Variants in CPT1A observed in about 807,000 individuals in gnomAD.
CPT1A encodes the protein carnitine O-palmitoyltransferase 1, liver isoform.
CPT1A carries 64 observed loss-of-function variants against 100.8 expected under a neutral mutation model. The ratio of observed to expected loss-of-function variants is 0.63; its 90% CI spans 0.52 to 0.78. The LOEUF (loss-of-function observed/expected upper bound fraction) is 0.78. Among genes scored for constraint, CPT1A ranks in the 30% least tolerant of loss-of-function variants. The pLI, the probability that CPT1A is intolerant of heterozygous loss-of-function variation, is 0.00. For synonymous variants in CPT1A, 363 were observed against 396.0 expected, an observed-to-expected ratio of 0.92 and a Z score of 0.99; for missense variants, 802 against 1,034.1, an observed-to-expected ratio of 0.78 and a Z score of 3.08.
chr11:68,765,727 A>G (rs1854779518), intron 14 of CPT1A, among the ~76,000 whole-genome samples: 1 of 152,242 alleles, frequency 6.6e-6, no homozygotes, highest in Non-Finnish European at 1.5e-5. Flanking sequence ...ATACTGTTGT[A>G]AGACAGATCA....
chr11:68,833,022 C>T (rs1304037021), intron 1 of CPT1A, among the ~76,000 whole-genome samples: 2 of 152,308 alleles, frequency 1.3e-5, no homozygotes, highest in African/African-American at 2.4e-5. Flanking sequence ...CTTGGATGCC[C>T]GGGTGACCAA....
intron 1 of CPT1A, among the ~76,000 whole-genome samples, chr11:68,840,600 T>G (rs1857134800): frequency 6.6e-6 from 1 of 152,234 alleles, no homozygotes; most frequent in Non-Finnish European, 1.5e-5. Context: ...CTTTGTTATG[T>G]ATTTAACCTG....
intron 12 of CPT1A, among the ~76,000 whole-genome samples, chr11:68,777,853 C>T (rs947161175): frequency 1.3e-5 from 2 of 152,108 alleles, no homozygotes; most frequent in African/African-American, 2.4e-5. Context: ...ATAACAAGCC[C>T]GGGCTATTAT....
chr11:68,803,925 G>C (rs1300647329), intron 5 of CPT1A, 75 bp downstream of exon 5: 7 of 1,191,108 alleles, frequency 5.9e-6, no homozygotes, highest in Middle Eastern at 1.9e-4. Context: ...CGGTGACCTA[G>C]TTCATCATAA....
intron 2 of CPT1A, among the ~76,000 whole-genome samples, chr11:68,813,922 C>T (rs1472868176): frequency 1.3e-5 from 2 of 152,158 alleles, no homozygotes; most frequent in Admixed American, 6.5e-5. Flanking sequence ...CAGGGACACC[C>T]GTGCAGCTGT....
chr11:68,815,088 CT>C (rs1856346999), intron 2 of CPT1A, among the ~76,000 whole-genome samples: 1 of 152,140 alleles, frequency 6.6e-6, no homozygotes, highest in Admixed American at 6.6e-5. Flanking sequence ...GTCGCTGGCC[CT>C]TTAAGCCTCG....
At chr11:68,810,496 C>T (rs995529109) in intron 3 of CPT1A, among the ~76,000 whole-genome samples, 2 of 152,178 alleles carry the variant, frequency 1.3e-5, no homozygotes, top group African/African-American at 2.4e-5. Flanking sequence ...CGTTCCTGAG[C>T]TACCTCAAGG....
chr11:68,806,462 T>C (rs1171627428), intron 4 of CPT1A, among the ~76,000 whole-genome samples: 11 of 152,086 alleles, frequency 7.2e-5, no homozygotes, highest in Non-Finnish European at 1.6e-4. Context: ...ACCCCGTCTC[T>C]ATTAAAAATA....
chr11:68,782,962 C>A (rs950061916), intron 10 of CPT1A, among the ~76,000 whole-genome samples: 11 of 152,196 alleles, frequency 7.2e-5, no homozygotes, highest in Non-Finnish European at 1.3e-4. Context: ...AGCCCAGGCC[C>A]CGCGGCGCCG....
At chr11:68,780,215 G>A (rs909194696) in intron 12 of CPT1A, among the ~76,000 whole-genome samples, 1 of 152,202 alleles carries the variant, frequency 6.6e-6, no homozygotes, top group African/African-American at 2.4e-5. Context: ...TAGTACAAGT[G>A]AAAAATTCAT....
At chr11:68,796,594 A>T (rs989368324) in intron 7 of CPT1A, among the ~76,000 whole-genome samples, 1 of 152,200 alleles carries the variant, frequency 6.6e-6, no homozygotes, top group African/African-American at 2.4e-5. Context: ...GGACAGGTAC[A>T]GCACAGTGAG....
At chr11:68,779,856 G>A (rs1411763411) in intron 12 of CPT1A, among the ~76,000 whole-genome samples, 2 of 151,936 alleles carry the variant, frequency 1.3e-5, no homozygotes, top group African/African-American at 2.4e-5. Flanking sequence ...GGGGACAGGG[G>A]TTTGTGGTTT....
At chr11:68,802,840 T>C (rs1221513893) in intron 5 of CPT1A, among the ~76,000 whole-genome samples, 2 of 135,374 alleles carry the variant, frequency 1.5e-5, no homozygotes, top group Non-Finnish European at 3.0e-5. Flanking sequence ...GAGGCTGTGG[T>C]GAGCCAAGAT....
At chr11:68,797,584 G>A (rs117633838) in intron 6 of CPT1A, among the ~76,000 whole-genome samples, 4,086 of 152,224 alleles carry the variant, frequency 0.027, 66 homozygotes, top group Non-Finnish European at 0.043. Context: ...AAGACAGGAG[G>A]GTTACTTGAG....
At chr11:68,837,137 A>G (rs866586388) in intron 1 of CPT1A, among the ~76,000 whole-genome samples, 11 of 151,836 alleles carry the variant, frequency 7.2e-5, no homozygotes, top group South Asian at 2.1e-4. Context: ...GCAACCTCCA[A>G]CTCCTGGGTT....
chr11:68,841,998 G>A (rs1357791513), upstream of CPT1A: 24 of 982,478 alleles, frequency 2.4e-5, no homozygotes, highest in South Asian at 1.0e-3. The surrounding 1 kb of genome is among the most constrained non-coding windows in gnomAD (Gnocchi z 6.3). Flanking sequence ...TCGGCGGGGC[G>A]GGGCGTCCGC....
intron 1 of CPT1A, among the ~76,000 whole-genome samples, chr11:68,827,778 A>G (rs531565562): frequency 2.5e-4 from 38 of 152,182 alleles, no homozygotes; most frequent in Non-Finnish European, 5.4e-4. Context: ...ATACAGTGCC[A>G]CCATACACGT....
At chr11:68,836,531 G>A (rs936434963) in intron 1 of CPT1A, among the ~76,000 whole-genome samples, 6 of 152,044 alleles carry the variant, frequency 3.9e-5, no homozygotes, top group African/African-American at 1.4e-4. Context: ...CCCGCACTTT[G>A]GGAGGGTGAG....
Position 68,807,508 on chromosome 11 carries a change from T to C in CPT1A, c.412A>G (p.Thr138Ala). The stretch of plus-strand genomic sequence containing the variant: ...GCACGACTCATCTTGCCGTGCTCAG[T>C]GAACATCCACCCGTGGTAGGAGAGC... The part of the protein sequence containing the change: ...VLLSYHGWMF[T>A]EHGKMSRATK... Residue 138 changes from threonine (T) to alanine (A), a missense_variant, in exon 4 of 19, where the codon ACT (threonine) becomes GCT (alanine). Thr to Ala is a moderately conservative substitution (Grantham distance 58). Around this residue, in one of 4 missense-constraint regions of CPT1A, gnomAD observed 161 missense variants for 183.7 expected, o/e 0.88. Transcript: ENST00000265641. The C allele has an allele frequency of 1.9e-6, 3 of 1,614,128 alleles. No homozygotes were observed. The highest frequency in any genetic ancestry group is 2.5e-6 in the Non-Finnish European group (3 of 1,180,028).
Sources: allele counts gnomAD v4.1 joint callset (sites outside exome capture counted in the v4.1 genomes callset), GRCh38; gene constraint gnomAD v4.1.1; regional missense constraint gnomAD v4.1.1; non-coding constraint Gnocchi (gnomAD v3.1); transcripts MANE v1.5; gene names NCBI Gene and HGNC (gene_info 2026-07-23, HGNC 2026-07-21).